Variants in TXNDC8 observed in about 807,000 individuals in gnomAD.
The protein encoded by TXNDC8 is thioredoxin domain containing 8.
TXNDC8 carries 15 observed loss-of-function variants against 12.9 expected under a neutral mutation model. The observed-to-expected ratio is 1.16, with a 90% CI of 0.78 to 1.79. TXNDC8 has a LOEUF of 1.79. Among genes scored for constraint, TXNDC8 ranks in the 40% most tolerant of loss-of-function variants. The pLI, the probability that TXNDC8 is intolerant of heterozygous loss-of-function variation, is 0.00. For synonymous variants in TXNDC8, 40 were observed against 35.4 expected (o/e 1.13, Z -0.46); for missense variants, 128 against 113.2 (o/e 1.13, Z -0.59).
chr9:110,323,740 AG>A (rs1269160418), intron 3 of TXNDC8: 9 of 1,070,690 alleles, frequency 8.4e-6, no homozygotes, highest in African/African-American at 1.6e-5. Flanking sequence ...CAATGCCATT[AG>A]TACTCTTGGC....
chr9:110,316,706 T>G (rs536010246), intron 3 of TXNDC8, among the ~76,000 whole-genome samples: 16 of 152,384 alleles, frequency 1.0e-4, no homozygotes, highest in African/African-American at 3.6e-4. Flanking sequence ...TTTCATTTTC[T>G]TGTAGCTGAT....
intron 3 of TXNDC8, among the ~76,000 whole-genome samples, chr9:110,315,858 C>CG (rs890187977): frequency 2.2e-4 from 8 of 35,782 alleles, no homozygotes; most frequent in African/African-American, 4.4e-4. Flanking sequence ...GTTGAGGGGG[C>CG]GGGGGGCGCA....
chr9:110,303,061 C>CAA (rs34213696), downstream of TXNDC8, among the ~76,000 whole-genome samples: 135 of 143,948 alleles, frequency 9.4e-4, no homozygotes, highest in Middle Eastern at 0.011. Context: ...AAGACTGTCT[C>CAA]AAAAAAAAAA....
At position 110,314,494 on chromosome 9, in the gene TXNDC8, G is replaced by A. The variant is rs10980318; in HGVS notation, c.196-9962C>T. On this transcript the variant is annotated intron_variant, in intron 3 of 4. Coordinates refer to ENST00000423740, the MANE Select transcript of TXNDC8 (RefSeq NM_001286946.2). ...GTCACCCAGGCTGGAGTGCAGTGGC[G>A]CGATCTCGGCTCACTGCAAGCTCCG... Among the ~76,000 whole-genome samples, 2,683 of 147,788 alleles carry A rather than the reference G, an allele frequency of 0.018. 171 individuals are homozygous for A. The East Asian group carries it at 0.2, about 11-fold the overall frequency.
At chr9:110,321,038 G>C (rs1839074287) in intron 3 of TXNDC8, among the ~76,000 whole-genome samples, 1 of 152,192 alleles carries the variant, frequency 6.6e-6, no homozygotes, top group African/African-American at 2.4e-5. Flanking sequence ...ACCAGGGATG[G>C]CCCATAATCT....
At position 110,329,298 on chromosome 9, in the gene TXNDC8, A is replaced by G. The variant is rs201209426; in HGVS notation, c.130-3058T>C. 3.3e-5 allele frequency: 52 copies of G among 1,597,366 alleles called. No individual in the cohort carries two copies. The highest frequency in any genetic ancestry group is 4.4e-5 in the Non-Finnish European group (51 of 1,170,350). On this transcript the variant is annotated intron_variant, in intron 2 of 4. Coordinates refer to ENST00000423740, the MANE Select transcript of TXNDC8 (RefSeq NM_001286946.2). The stretch of plus-strand genomic sequence containing the variant: ...GGTATTTCACAGACATAGCCTTCAA[A>G]ATAAAAAATAAATATTTCCCATTAG...
chr9:110,328,766 A>T (rs1227342672), intron 2 of TXNDC8, among the ~76,000 whole-genome samples: 2 of 152,264 alleles, frequency 1.3e-5, no homozygotes, highest in Non-Finnish European at 2.9e-5. Context: ...AGATCACGCC[A>T]TTGCACTCCA....
At chr9:110,327,674 G>A (rs1213746029) in intron 2 of TXNDC8, among the ~76,000 whole-genome samples, 6 of 152,128 alleles carry the variant, frequency 3.9e-5, no homozygotes, top group Non-Finnish European at 1.5e-5. Context: ...TGTATGCAGT[G>A]AAAGCAGCCA....
chr9:110,313,621 TA>T (rs1467101149), intron 3 of TXNDC8, among the ~76,000 whole-genome samples: 1 of 152,064 alleles, frequency 6.6e-6, no homozygotes, highest in Non-Finnish European at 1.5e-5. Flanking sequence ...GAATCACTTG[TA>T]CCCAGGAGGT....
intron 1 of TXNDC8, among the ~76,000 whole-genome samples, chr9:110,335,623 G>A (rs527874695): frequency 6.6e-6 from 1 of 152,294 alleles, no homozygotes; most frequent in Non-Finnish European, 1.5e-5. Context: ...TCAGTTAGCT[G>A]GTGAGTGGTG....
intron 3 of TXNDC8, among the ~76,000 whole-genome samples, chr9:110,309,248 C>A (rs1838571498): frequency 6.6e-6 from 1 of 152,192 alleles, no homozygotes. Context: ...CCCTGGGTGA[C>A]TCGGGCCTCA....
At chr9:110,334,390 A>G (rs773409129) in intron 1 of TXNDC8, 70 bp from the exon 2 acceptor site, 74 of 1,378,970 alleles carry the variant, frequency 5.4e-5, no homozygotes, top group Non-Finnish European at 7.3e-5. Flanking sequence ...AGAGAAGAAG[A>G]TGACAGATTA....
intron 2 of TXNDC8, among the ~76,000 whole-genome samples, chr9:110,332,057 G>T (rs1020348302): frequency 4.0e-5 from 6 of 151,882 alleles, no homozygotes; most frequent in Non-Finnish European, 7.4e-5. Context: ...TGGTTATGGC[G>T]AAGTTAGAAT....
chr9:110,328,624 C>T (rs992216590), intron 2 of TXNDC8, among the ~76,000 whole-genome samples: 24 of 152,030 alleles, frequency 1.6e-4, no homozygotes, highest in Admixed American at 9.8e-4. Flanking sequence ...CTGACCAACA[C>T]GGAGAAACCC....
chr9:110,324,896 G>A (rs1437219389), intron 3 of TXNDC8, among the ~76,000 whole-genome samples: 5 of 152,202 alleles, frequency 3.3e-5, no homozygotes, highest in Non-Finnish European at 5.9e-5. Flanking sequence ...TGGATCACTT[G>A]AGGCCAGGAG....
chr9:110,327,944 T>A (rs1839397781), intron 2 of TXNDC8, among the ~76,000 whole-genome samples: 1 of 152,148 alleles, frequency 6.6e-6, no homozygotes, highest in African/African-American at 2.4e-5. Flanking sequence ...TATTCTGAAT[T>A]TATAGGTTAT....
intron 3 of TXNDC8, among the ~76,000 whole-genome samples, chr9:110,309,120 A>C (rs1838565755): frequency 6.6e-6 from 1 of 152,088 alleles, no homozygotes; most frequent in South Asian, 2.1e-4. Flanking sequence ...GATCTTCTCC[A>C]TTGCTTTTTC....
At chr9:110,301,983 A>G (rs1838279977), downstream of TXNDC8, among the ~76,000 whole-genome samples, 1 of 151,366 alleles carries the variant, frequency 6.6e-6, no homozygotes, top group African/African-American at 2.4e-5. Context: ...TTATCTATTT[A>G]TTTATTTATT....
chr9:110,316,063 A>G (rs921490660), intron 3 of TXNDC8, among the ~76,000 whole-genome samples: 7 of 149,648 alleles, frequency 4.7e-5, no homozygotes, highest in African/African-American at 1.7e-4. Context: ...ACACTCGGCT[A>G]ATTTTTTTTT....
Sources: allele counts gnomAD v4.1 joint callset (sites outside exome capture counted in the v4.1 genomes callset), GRCh38; gene constraint gnomAD v4.1.1; transcripts MANE v1.5; gene names NCBI Gene and HGNC (gene_info 2026-07-23, HGNC 2026-07-21).